The following PGRMC2 variants were observed in gnomAD, a reference collection of about 807,000 sequenced individuals.
PGRMC2 encodes the protein progesterone receptor membrane component 2, also known as membrane-associated progesterone receptor component 2.
In PGRMC2, 9 loss-of-function variants were observed where a neutral mutation model predicts 19.3. That is an observed-to-expected ratio of 0.47 (90% confidence interval 0.28 to 0.81). PGRMC2 has a LOEUF of 0.81. PGRMC2 is among the 40% of genes least tolerant of loss of function. PGRMC2 has a pLI of 0.11. For missense variants in PGRMC2, 289 were observed against 297.3 expected (o/e 0.97, Z 0.21); for synonymous variants, 157 against 124.6 (o/e 1.26, Z -1.73).
In PGRMC2 at chr4:128,269,951, G is replaced by C. The variant is rs527687755; in HGVS notation, c.*1365C>G. 6 of 152,748 alleles carry C rather than the reference G, an allele frequency of 3.9e-5. No individual in the cohort carries two copies. The highest frequency in any genetic ancestry group is 3.9e-4 in the East Asian group (2 of 5,188). 9.5% of individuals were successfully genotyped at this position (152,748 alleles called of 1,614,324 possible). On this transcript the variant is annotated 3_prime_UTR_variant, in exon 3 of 3. Coordinates refer to ENST00000296425, the MANE Select transcript of PGRMC2 (RefSeq NM_006320.6). ...ACCTGAATAATCTTGGATTTCTGGA[G>C]AATGTTCCACAAAGTGGAATTTCTT...
Position 128,271,474 on chromosome 4 carries a change from C to T in PGRMC2, c.575-61G>A, listed in dbSNP as rs41298577. On this transcript the variant is annotated intron_variant, in intron 2 of 2. Transcript: ENST00000296425. ...AAATTTGTTTCACTATTCCATTATA[C>T]AGAGAAAAGGCATTTGTCTGTTTTA... is the stretch of plus-strand genomic sequence containing the variant. The T allele has an allele frequency of 2.2e-5, 17 of 790,452 alleles. No homozygotes were observed. The African/African-American group carries it at 2.7e-4, about 13-fold the overall frequency. The allele number at this position is 790,452 out of a possible 1,614,324, so 49.0% of individuals were successfully genotyped here.
chr4:128,271,615 T>C (rs1304223982), intron 2 of PGRMC2, among the ~76,000 whole-genome samples: 1 of 152,234 alleles, frequency 6.6e-6, no homozygotes, highest in Non-Finnish European at 1.5e-5. Context: ...ATTAGGGAAC[T>C]TATAAGGCTT....
chr4:128,283,864 T>C (rs746252076), intron 1 of PGRMC2, among the ~76,000 whole-genome samples: 1 of 152,240 alleles, frequency 6.6e-6, no homozygotes, highest in Non-Finnish European at 1.5e-5. Context: ...TTTGGCCATG[T>C]TGGCCAGGCT....
At position 128,271,299 on chromosome 4, in the gene PGRMC2, T is replaced by A; in HGVS notation, c.*17A>T. 7.1e-7 allele frequency: 1 copy of A among 1,409,328 alleles called. No homozygotes were observed. Among genetic ancestry groups the A allele is most frequent in the Non-Finnish European group, 1.0e-6 (1 of 998,630 alleles). The allele number at this position is 1,409,328 out of a possible 1,614,324, so 87.3% of individuals were successfully genotyped here. A position where few individuals can be genotyped will look rare whatever the true frequency, so the allele number is the denominator to read the frequency against. ...ATTGCAGTTCTGAAGGCCCCTGACT[T>A]TGGTTGTTTACAAAGTTCAATCCTG... On this transcript the variant is annotated 3_prime_UTR_variant, in exon 3 of 3. Coordinates refer to ENST00000296425, the MANE Select transcript of PGRMC2 (RefSeq NM_006320.6).
chr4:128,280,904 C>G (rs1760901224), intron 1 of PGRMC2, among the ~76,000 whole-genome samples: 2 of 152,132 alleles, frequency 1.3e-5, no homozygotes, highest in Non-Finnish European at 2.9e-5. Flanking sequence ...CTGGCCCAAT[C>G]TACAATTTTA....
intron 1 of PGRMC2, among the ~76,000 whole-genome samples, chr4:128,276,213 T>C (rs1003968137): frequency 3.3e-5 from 5 of 152,204 alleles, no homozygotes; most frequent in African/African-American, 1.2e-4. Flanking sequence ...ACCTAAATAT[T>C]TACCAATTCT....
rs540780956 is a variant in PGRMC2 at position 128,278,735 on chromosome 4, T to C, written c.419-6218A>G. The stretch of plus-strand genomic sequence containing the variant: ...AAGTGCATAAAGTCTTTAAATATAA[T>C]ACATAACTTAGCAGCTATAAAAGAA... On this transcript the variant is annotated intron_variant, in intron 1 of 2. Transcript: ENST00000296425. Among the ~76,000 whole-genome samples the C allele has an allele frequency of 2.6e-5, 4 of 152,272 alleles. No individual in the cohort carries two copies. In the East Asian group the frequency reaches 7.7e-4, roughly 29 times the overall value.
At chr4:128,275,286 AG>A (rs1187660919) in intron 1 of PGRMC2, among the ~76,000 whole-genome samples, 1 of 152,186 alleles carries the variant, frequency 6.6e-6, no homozygotes, top group Non-Finnish European at 1.5e-5. Flanking sequence ...AATGATACAA[AG>A]GAGAGAAGAT....
At chr4:128,284,440 T>C (rs1760955414) in intron 1 of PGRMC2, among the ~76,000 whole-genome samples, 1 of 152,216 alleles carries the variant, frequency 6.6e-6, no homozygotes, top group Non-Finnish European at 1.5e-5. Flanking sequence ...TCTCCTCCTG[T>C]ATTCAGTTTT....
chr4:128,277,336 CAGTT>C lies in PGRMC2; in HGVS notation c.419-4823_419-4820del, dbSNP rs1760828899. Among the ~76,000 whole-genome samples the C allele has an allele frequency of 3.3e-5, 5 of 152,166 alleles. No individual in the cohort carries two copies. The South Asian group carries it at 1.0e-3, about 32-fold the overall frequency. ...CTAAAACTGCTTACTTTAATACAAT[CAGTT>C]AGAATGAGGTGACATATTCTTGAAA... On this transcript the variant is annotated intron_variant, in intron 1 of 2. Transcript: ENST00000296425.
At chr4:128,282,682 G>T (rs1760926483) in intron 1 of PGRMC2, among the ~76,000 whole-genome samples, 1 of 152,232 alleles carries the variant, frequency 6.6e-6, no homozygotes, top group Non-Finnish European at 1.5e-5. Flanking sequence ...TGGCTTCAAA[G>T]CAAGAAGCTG....
At position 128,272,536 on chromosome 4, in the gene PGRMC2, A is replaced by G; in HGVS notation, c.419-19T>C. On this transcript the variant is annotated intron_variant, in intron 1 of 2. Coordinates refer to ENST00000296425, the MANE Select transcript of PGRMC2 (RefSeq NM_006320.6). ...GGACCCGCTGGAAAAAAGAAAATAA[A>G]TTATTTAGATCACCTAACAATATTT... 7.1e-7 allele frequency: 1 copy of G among 1,417,358 alleles called. No individual in the cohort carries two copies. Among genetic ancestry groups the G allele is most frequent in the Non-Finnish European group, 9.3e-7 (1 of 1,071,152 alleles). The allele number at this position is 1,417,358 out of a possible 1,614,324, so 87.8% of individuals were successfully genotyped here.
chr4:128,279,976 ATT>A lies in PGRMC2; in HGVS notation c.418+7395_418+7396del, dbSNP rs201299429. Among the ~76,000 whole-genome samples the A allele has an allele frequency of 4.5e-3, 679 of 152,272 alleles. 4 individuals carry two copies. The highest frequency in any genetic ancestry group is 0.016 in the African/African-American group (644 of 41,538). ...CATGTATTACTTAATTTAAAAAATCATTGTTTTAACTTACGTGAGGCCCTATT... is the reference window on the plus strand; with the variant it reads ...CATGTATTACTTAATTTAAAAAATCAGTTTTAACTTACGTGAGGCCCTATT... On this transcript the variant is annotated intron_variant, in intron 1 of 2. Coordinates refer to ENST00000296425, the MANE Select transcript of PGRMC2 (RefSeq NM_006320.6).
At chr4:128,281,472 G>A (rs1370681854) in intron 1 of PGRMC2, among the ~76,000 whole-genome samples, 1 of 151,950 alleles carries the variant, frequency 6.6e-6, no homozygotes, top group East Asian at 1.9e-4. Flanking sequence ...ATCCAAATCA[G>A]TAGAGGAGAG....
intron 1 of PGRMC2, among the ~76,000 whole-genome samples, chr4:128,273,862 C>A (rs145170206): frequency 1.3e-5 from 2 of 152,296 alleles, no homozygotes; most frequent in Non-Finnish European, 2.9e-5. Flanking sequence ...AAGTTTACTG[C>A]ATGGAACTAG....
At chr4:128,283,904 G>T (rs998386972) in intron 1 of PGRMC2, among the ~76,000 whole-genome samples, 2 of 152,120 alleles carry the variant, frequency 1.3e-5, no homozygotes, top group Non-Finnish European at 2.9e-5. Context: ...CAGGTGATCT[G>T]CCCGCCTTGG....
At chr4:128,282,638 G>C (rs1309501957) in intron 1 of PGRMC2, among the ~76,000 whole-genome samples, 5 of 152,222 alleles carry the variant, frequency 3.3e-5, no homozygotes, top group Non-Finnish European at 7.3e-5. Context: ...GGTAATAGAT[G>C]CATATGGGCA....
At chr4:128,271,660 G>A (rs1384443772) in intron 2 of PGRMC2, among the ~76,000 whole-genome samples, 2 of 152,198 alleles carry the variant, frequency 1.3e-5, no homozygotes, top group African/African-American at 2.4e-5. Flanking sequence ...CTGTACCAGT[G>A]ATTCTTAGTT....
rs770258558 is a variant in PGRMC2 at position 128,287,810 on chromosome 4, C to T, written c.-20G>A. The T allele has an allele frequency of 1.3e-6, 2 of 1,507,316 alleles. No homozygotes were observed. The highest frequency in any genetic ancestry group is 1.8e-6 in the Non-Finnish European group (2 of 1,110,976). 93.4% of individuals were successfully genotyped at this position (1,507,316 alleles called of 1,614,324 possible). On this transcript the variant is annotated 5_prime_UTR_variant, in exon 1 of 3. Transcript: ENST00000296425. ...CGCCATCACTGCCCGCCAGCGCCTT[C>T]CTCCTCCTCCCCGCCCCCTGCCCTC... is the stretch of plus-strand genomic sequence containing the variant.
Sources: allele counts gnomAD v4.1 joint callset (sites outside exome capture counted in the v4.1 genomes callset), GRCh38; gene constraint gnomAD v4.1.1; transcripts MANE v1.5; gene names NCBI Gene and HGNC (gene_info 2026-07-23, HGNC 2026-07-21).